Variants in KCNQ2 observed in about 807,000 individuals in gnomAD.
The protein encoded by KCNQ2 is potassium voltage-gated channel subfamily Q member 2.
In KCNQ2, 14 loss-of-function variants were observed where a neutral mutation model predicts 84.8. The ratio of observed to expected loss-of-function variants is 0.17; its 90% CI spans 0.11 to 0.26. The LOEUF (loss-of-function observed/expected upper bound fraction) is 0.26. Ranked by LOEUF, KCNQ2 falls within the 10% of genes least tolerant of loss-of-function variation. The pLI is 1.00. For missense variants in KCNQ2, 788 were observed against 1,254.0 expected, an observed-to-expected ratio of 0.63 and a Z score of 5.61; for synonymous variants, 599 against 554.1, an observed-to-expected ratio of 1.08 and a Z score of -1.14.
Position 63,443,144 on chromosome 20 carries a change from C to T in KCNQ2, c.691-613G>A, listed in dbSNP as rs1445873731. 4.0e-4 allele frequency among the ~76,000 whole-genome samples: 42 copies of T among 106,170 alleles called. 2 individuals are homozygous for T. The highest frequency in any genetic ancestry group is 1.2e-3 in the East Asian group (3 of 2,420). The allele number at this position is 106,170 out of a possible 152,430, so 69.7% of individuals were successfully genotyped here. ...ATCACCACCACCACCATCATCACCA[C>T]CACCATCACCGGCGCCACCACCATC... On this transcript the variant is annotated intron_variant, in intron 4 of 16. Transcript: ENST00000359125.
In KCNQ2 at chr20:63,446,907, T is replaced by A; in HGVS notation, c.297-70A>T. 1 of 1,363,522 alleles carries A rather than the reference T, an allele frequency of 7.3e-7. No individual in the cohort carries two copies. The highest frequency in any genetic ancestry group is 1.0e-6 in the Non-Finnish European group (1 of 953,100). The allele number at this position is 1,363,522 out of a possible 1,614,324, so 84.5% of individuals were successfully genotyped here. On this transcript the variant is annotated intron_variant, in intron 1 of 16. Transcript: ENST00000359125. The surrounding 1 kb of genome is among the most constrained non-coding windows in gnomAD (Gnocchi z 5.5). ...AGCAGCATGGCTGTGTCTCCAGAAC[T>A]CAGGACCCCACTCCCCACCAGGCCG...
intron 1 of KCNQ2, chr20:63,459,515 A>T (rs563383455): frequency 6.6e-6 from 1 of 152,306 alleles, no homozygotes; most frequent in South Asian, 2.1e-4. Context: ...CCTCAAAAAT[A>T]AATAAATTAA....
intron 1 of KCNQ2, among the ~76,000 whole-genome samples, chr20:63,464,867 C>T (rs1317207539): frequency 6.6e-6 from 1 of 152,168 alleles, no homozygotes; most frequent in Non-Finnish European, 1.5e-5. Context: ...TTGGCAGGGG[C>T]GTCTCCCCCA....
At chr20:63,443,358 C>T (rs957098978) in intron 4 of KCNQ2, among the ~76,000 whole-genome samples, 32 of 59,608 alleles carry the variant, frequency 5.4e-4, no homozygotes, top group African/African-American at 1.8e-3. Flanking sequence ...ACCACCACCA[C>T]CATCACCATC....
intron 10 of KCNQ2, among the ~76,000 whole-genome samples, chr20:63,426,155 G>A (rs141996893): frequency 8.9e-4 from 136 of 152,308 alleles, no homozygotes; most frequent in Non-Finnish European, 1.1e-3. Flanking sequence ...TCTTACCTTC[G>A]TCCAACGCTG....
Position 63,414,197 on chromosome 20 carries a change from G to T in KCNQ2, c.1526-4C>A, listed in dbSNP as rs1396502704. On this transcript the variant is annotated splice_polypyrimidine_tract_variant and splice_region_variant and intron_variant, in intron 13 of 16. Transcript: ENST00000359125. The surrounding 1 kb of genome is among the most constrained non-coding windows in gnomAD (Gnocchi z 6.6). ...TCCTCTCCGGGGAGGCTTGCTTCTG[G>T]GGGGAAGGAGACAGGCCGTGAGGGG... 5.6e-6 allele frequency: 9 copies of T among 1,610,626 alleles called. No individual in the cohort carries two copies. Among genetic ancestry groups the T allele is most frequent in the Non-Finnish European group, 7.6e-6 (9 of 1,177,434 alleles).
At chr20:63,424,054 A>G (rs2145614621) in intron 11 of KCNQ2, 123 bp downstream of exon 11, 1 of 1,096,522 alleles carries the variant, frequency 9.1e-7, no homozygotes, top group South Asian at 1.4e-5. Context: ...GCAGTCACAC[A>G]GTCACACACG....
At chr20:63,422,909 G>A (rs1022071342) in intron 11 of KCNQ2, among the ~76,000 whole-genome samples, 2 of 152,282 alleles carry the variant, frequency 1.3e-5, no homozygotes, top group Admixed American at 1.3e-4. Context: ...GAAGCCTCGC[G>A]TCCACCTGGG....
Position 63,444,649 on chromosome 20 carries a change from C to T in KCNQ2, c.690+10G>A, listed in dbSNP as rs376611221. The T allele has an allele frequency of 2.6e-6, 4 of 1,542,506 alleles. No homozygotes were observed. The highest frequency in any genetic ancestry group is 3.8e-5 in the Admixed American group (2 of 52,216). On this transcript the variant is annotated intron_variant, in intron 4 of 16. Transcript: ENST00000359125. ...GGGCGCCCACCGCCAGCCTTGGGGC[C>T]GTGACTCACCTTGCTGTGGGCATAG...
Position 63,446,967 on chromosome 20 carries a change from G to T in KCNQ2, c.297-130C>A, listed in dbSNP as rs1275350005. ...ACCAGCATGGCCGCGTCTCCAGAACGCAGGACCCCACTCCCCACCCACCCC... is the reference window on the plus strand; with the variant it reads ...ACCAGCATGGCCGCGTCTCCAGAACTCAGGACCCCACTCCCCACCCACCCC... On this transcript the variant is annotated intron_variant, in intron 1 of 16. Transcript: ENST00000359125. This position sits in a 1 kb window ranked among gnomAD's most constrained non-coding sequence, Gnocchi z 5.5. The T allele has an allele frequency of 3.7e-6, 3 of 812,636 alleles. No homozygotes were observed. The highest frequency in any genetic ancestry group is 6.3e-6 in the Non-Finnish European group (3 of 476,946). 50.3% of individuals were successfully genotyped at this position (812,636 alleles called of 1,614,324 possible).
chr20:63,471,349 C>T (rs1439724134), intron 1 of KCNQ2: 2 of 152,392 alleles, frequency 1.3e-5, no homozygotes, highest in African/African-American at 4.8e-5. Flanking sequence ...GCTTCGGCCG[C>T]CCCCCGCCAG....
intron 2 of KCNQ2, 199 bp from the exon 3 acceptor site, chr20:63,445,563 C>T (rs554988656): frequency 1.6e-5 from 6 of 365,412 alleles, no homozygotes; most frequent in East Asian, 1.6e-4. Flanking sequence ...ACCCTGCATC[C>T]GGGAACACAG....
At chr20:63,413,172 TACACACACACACATGC>T in intron 15 of KCNQ2, 1 of 493,704 alleles carries the variant, frequency 2.0e-6, no homozygotes. Flanking sequence ...ATGCGTGACT[TACACACACACACATGC>T]ACACACACAT....
At chr20:63,445,501 AC>A in intron 2 of KCNQ2, 137 bp from the exon 3 acceptor site, 3 of 398,900 alleles carry the variant, frequency 7.5e-6, no homozygotes, top group Non-Finnish European at 8.1e-6. Flanking sequence ...CTGCAAGCTG[AC>A]CCCCCCACCC....
At chr20:63,439,742 C>T in intron 5 of KCNQ2, 34 bp from the exon 6 acceptor site, 1 of 1,504,728 alleles carries the variant, frequency 6.6e-7, no homozygotes, top group East Asian at 2.3e-5. Flanking sequence ...ACACGAAGGG[C>T]CTGCTCACAC....
chr20:63,408,232 A>G lies in KCNQ2; in HGVS notation c.1887+181T>C. 1 of 759,076 alleles carries G rather than the reference A, an allele frequency of 1.3e-6. No homozygotes were observed. The highest frequency in any genetic ancestry group is 2.1e-6 in the Non-Finnish European group (1 of 476,316). 47.0% of individuals were successfully genotyped at this position (759,076 alleles called of 1,614,324 possible). ...GGAAGGCACCCAGGCCGGGGGTGGG[A>G]GGCTCACGGTGGGGTGTGAGGGGTC... On this transcript the variant is annotated intron_variant, in intron 16 of 16. Transcript: ENST00000359125. This position sits in a 1 kb window ranked among gnomAD's most constrained non-coding sequence, Gnocchi z 5.0.
chr20:63,400,722 G>A lies in KCNQ2; in HGVS notation c.*5922C>T, dbSNP rs1246267549. ...TGGGGCGCGGGCATGGCGGGCACAC[G>A]TGGGCCGTGTGGATCCCGGGCAGAG... On this transcript the variant is annotated 3_prime_UTR_variant, in exon 17 of 17. Transcript: ENST00000359125. The surrounding 1 kb of genome is among the most constrained non-coding windows in gnomAD (Gnocchi z 8.7). 2.0e-5 allele frequency: 8 copies of A among 398,436 alleles called. No individual in the cohort carries two copies. Among genetic ancestry groups the A allele is most frequent in the Admixed American group, 1.8e-4 (4 of 22,718 alleles). The allele number at this position is 398,436 out of a possible 1,614,324, so 24.7% of individuals were successfully genotyped here.
In KCNQ2 at chr20:63,428,407, G is replaced by A; in HGVS notation, c.1177C>T (p.Leu393=). The stretch of plus-strand genomic sequence containing the variant: ...GATTTACTCTTGAGGTTCCTCAGCA[G>A]CTCCAGCTGGTTCAGCGGGGGGATA... ...RLIPPLNQLE[L]LRNLKSKSGL... The change falls in exon 10 of 17, where the codon CTG becomes TTG. Residue 393 remains leucine (L), a synonymous_variant. Coordinates refer to ENST00000359125, the MANE Select transcript of KCNQ2 (RefSeq NM_172107.4). 6.3e-7 allele frequency: 1 copy of A among 1,589,284 alleles called. No homozygotes were observed. The highest frequency in any genetic ancestry group is 1.2e-5 in the South Asian group (1 of 86,676).
In KCNQ2 at chr20:63,423,106, T is replaced by C. The variant is rs1018373938; in HGVS notation, c.1247+1071A>G. Reference sequence around the variant, plus strand: ...AGCTCTTTCTGGGCCCTCGTCCGTTTTCTTAGCCTCTTTGAGAGGATGAAT... The same window carrying C: ...AGCTCTTTCTGGGCCCTCGTCCGTTCTCTTAGCCTCTTTGAGAGGATGAAT... On this transcript the variant is annotated intron_variant, in intron 11 of 16. Coordinates refer to ENST00000359125, the MANE Select transcript of KCNQ2 (RefSeq NM_172107.4). Among the ~76,000 whole-genome samples, 11 of 152,300 alleles carry C rather than the reference T, an allele frequency of 7.2e-5. No individual in the cohort carries two copies. In the South Asian group the frequency reaches 2.3e-3, roughly 32 times the overall value.
Sources: allele counts gnomAD v4.1 joint callset (sites outside exome capture counted in the v4.1 genomes callset), GRCh38; gene constraint gnomAD v4.1.1; non-coding constraint Gnocchi (gnomAD v3.1); transcripts MANE v1.5; gene names NCBI Gene and HGNC (gene_info 2026-07-23, HGNC 2026-07-21).